CFAP44: variants seen among roughly 807,000 people sequenced by gnomAD.
CFAP44 encodes the protein cilia- and flagella-associated protein 44.
In CFAP44, 134 loss-of-function variants were observed where a neutral mutation model predicts 216.2. That is an observed-to-expected ratio of 0.62 (90% CI 0.54 to 0.72). The LOEUF (loss-of-function observed/expected upper bound fraction) is 0.72, where lower values mean the gene tolerates loss of function less well. Ranked by LOEUF, CFAP44 falls within the 30% of genes least tolerant of loss-of-function variation. The pLI, the probability that CFAP44 is intolerant of heterozygous loss-of-function variation, is 0.00. For missense variants in CFAP44, 2,035 were observed against 2,182.1 expected, an observed-to-expected ratio of 0.93 and a Z score of 1.34; for synonymous variants, 700 against 727.6, an observed-to-expected ratio of 0.96 and a Z score of 0.61.
chr3:113,419,887 G>A (rs1934761894), intron 5 of CFAP44, 130 bp downstream of exon 5: 1 of 847,554 alleles, frequency 1.2e-6, no homozygotes, highest in Admixed American at 3.0e-5. Context: ...AATAAAGACA[G>A]CTGTGCATCT....
Position 113,315,443 on chromosome 3 carries a change from T to C in CFAP44, c.4517-7175A>G, listed in dbSNP as rs191512490. Among the ~76,000 whole-genome samples the C allele has an allele frequency of 7.2e-5, 11 of 152,142 alleles. No homozygotes were observed. The East Asian group carries it at 1.4e-3, about 19-fold the overall frequency. On this transcript the variant is annotated intron_variant, in intron 28 of 34. Coordinates refer to ENST00000393845, the MANE Select transcript of CFAP44 (RefSeq NM_001164496.2). ...GTAAAATATTTGAAGCAAAAACTGA[T>C]AGAAATAAAAGAAGAAATGAAATAA...
intron 32 of CFAP44, among the ~76,000 whole-genome samples, chr3:113,302,772 C>CAAAAA (rs57355375): frequency 9.7e-4 from 43 of 44,336 alleles, no homozygotes; most frequent in Middle Eastern, 0.012. Context: ...GACTCCATCT[C>CAAAAA]AAAAAAAAAA....
intron 28 of CFAP44, among the ~76,000 whole-genome samples, chr3:113,312,791 T>C (rs1950052263): frequency 6.6e-6 from 1 of 152,162 alleles, no homozygotes; most frequent in Non-Finnish European, 1.5e-5. Context: ...CCTCATGCCT[T>C]GGCAGTTTCC....
At chr3:113,313,772 G>C (rs1270073012) in intron 28 of CFAP44, among the ~76,000 whole-genome samples, 12 of 152,176 alleles carry the variant, frequency 7.9e-5, no homozygotes, top group Non-Finnish European at 1.3e-4. Context: ...CCACCACCAT[G>C]TAAGAAGTGC....
chr3:113,304,965 T>A, intron 31 of CFAP44, 71 bp downstream of exon 31: 1 of 1,365,694 alleles, frequency 7.3e-7, no homozygotes, highest in Non-Finnish European at 1.0e-6. Context: ...GAACTATGAA[T>A]CTTTCTCTGA....
At chr3:113,411,073 A>T (rs577562481) in intron 6 of CFAP44, among the ~76,000 whole-genome samples, 2 of 152,046 alleles carry the variant, frequency 1.3e-5, no homozygotes, top group Non-Finnish European at 2.9e-5. Flanking sequence ...AGATTGCAAA[A>T]ATTTTCTCCC....
intron 13 of CFAP44, among the ~76,000 whole-genome samples, chr3:113,397,926 T>C (rs1576589124): frequency 6.6e-6 from 1 of 152,226 alleles, no homozygotes; most frequent in East Asian, 1.9e-4. Context: ...AAAGATATCA[T>C]AGTCTGCAGC....
intron 1 of CFAP44, among the ~76,000 whole-genome samples, chr3:113,438,056 C>T (rs541211404): frequency 3.1e-4 from 47 of 152,282 alleles, no homozygotes; most frequent in African/African-American, 1.1e-3. Flanking sequence ...AACTTAAAAA[C>T]GTACTGTTAA....
At chr3:113,310,727 C>T (rs563080557) in intron 28 of CFAP44, among the ~76,000 whole-genome samples, 16 of 152,228 alleles carry the variant, frequency 1.1e-4, no homozygotes, top group Admixed American at 3.3e-4. Context: ...AGGAATCCCT[C>T]GAATAGTTTA....
chr3:113,323,020 A>G (rs530801434), intron 28 of CFAP44, among the ~76,000 whole-genome samples: 20 of 152,222 alleles, frequency 1.3e-4, no homozygotes, highest in Non-Finnish European at 2.4e-4. Flanking sequence ...TAAAGCCATC[A>G]GATCTCATGA....
intron 28 of CFAP44, 58 bp downstream of exon 28, chr3:113,326,387 C>T: frequency 1.0e-5 from 14 of 1,397,082 alleles, no homozygotes; most frequent in South Asian, 1.7e-5. Context: ...CCTTAGTTAC[C>T]TCTCTATTTC....
chr3:113,349,591 T>A (rs1235652766), intron 22 of CFAP44, among the ~76,000 whole-genome samples: 2 of 152,210 alleles, frequency 1.3e-5, no homozygotes, highest in African/African-American at 2.4e-5. Context: ...AGCTGCTCCC[T>A]TGCCCATGTC....
At position 113,304,030 on chromosome 3, in the gene CFAP44, G is replaced by A. The variant is rs750254918; in HGVS notation, c.4963C>T (p.Arg1655Ter). The change falls in exon 32 of 35, where the codon CGA becomes TGA. Residue 1655 changes from arginine (R) to a stop codon, truncating the protein, a stop_gained. Coordinates refer to ENST00000393845, the MANE Select transcript of CFAP44 (RefSeq NM_001164496.2). LOFTEE classifies it high-confidence loss of function. ...SNHALRRLQE[R>*]IHELQEENSK... The stretch of plus-strand genomic sequence containing the variant: ...TTTTCCTCCTGGAGCTCATGGATTC[G>A]TTCTTGCAGCCGTCTCAAGGCATGG... The A allele has an allele frequency of 2.4e-5, 37 of 1,537,154 alleles. No homozygotes were observed. The highest frequency in any genetic ancestry group is 7.9e-5 in the Admixed American group (4 of 50,946).
At chr3:113,414,544 A>C (rs907058221) in intron 6 of CFAP44, among the ~76,000 whole-genome samples, 4 of 152,130 alleles carry the variant, frequency 2.6e-5, no homozygotes, top group Non-Finnish European at 5.9e-5. Flanking sequence ...ATCAATACCT[A>C]GTTTATTGAG....
At position 113,347,650 on chromosome 3, in the gene CFAP44, CT is replaced by C. The variant is rs1950399109; in HGVS notation, c.3066-2939del. The stretch of plus-strand genomic sequence containing the variant: ...GGAGACCAACTATCCTTTTAGGATC[CT>C]TCCTCAGACAAGCGGGCCTAACAAA... On this transcript the variant is annotated intron_variant, in intron 22 of 34. Coordinates refer to ENST00000393845, the MANE Select transcript of CFAP44 (RefSeq NM_001164496.2). 3.3e-5 allele frequency among the ~76,000 whole-genome samples: 5 copies of C among 152,280 alleles called. No individual in the cohort carries two copies. In the South Asian group the frequency reaches 1.0e-3, roughly 32 times the overall value.
At chr3:113,395,997 T>C in intron 14 of CFAP44, 137 bp from the exon 15 acceptor site, 1 of 614,376 alleles carries the variant, frequency 1.6e-6, no homozygotes. Context: ...AGGAGAATTC[T>C]TATTTCTAAA....
intron 24 of CFAP44, among the ~76,000 whole-genome samples, chr3:113,341,146 C>G (rs1559916635): frequency 6.6e-6 from 1 of 152,126 alleles, no homozygotes. Flanking sequence ...TTAATAGGCC[C>G]AGGATAGGGG....
At position 113,358,293 on chromosome 3, in the gene CFAP44, C is replaced by T. The variant is rs574808540; in HGVS notation, c.3065+452G>A. Among the ~76,000 whole-genome samples the T allele has an allele frequency of 1.5e-3, 230 of 151,892 alleles. 1 individual carries two copies. Among genetic ancestry groups the T allele is most frequent in the African/African-American group, 5.3e-3 (219 of 41,438 alleles). ...AAAATTTTCAAGATGTTAAGATTTA[C>T]GTATTTTATGTAAATTATATCTCAG... is the stretch of plus-strand genomic sequence containing the variant. On this transcript the variant is annotated intron_variant, in intron 22 of 34. Coordinates refer to ENST00000393845, the MANE Select transcript of CFAP44 (RefSeq NM_001164496.2).
chr3:113,287,766 C>CT lies in CFAP44; in HGVS notation c.*3790dup. The CT allele has an allele frequency of 6.6e-6, 1 of 152,300 alleles. No homozygotes were observed. Among genetic ancestry groups the CT allele is most frequent in the Admixed American group, 6.5e-5 (1 of 15,296 alleles). 9.4% of individuals were successfully genotyped at this position (152,300 alleles called of 1,614,324 possible). A position where few individuals can be genotyped will look rare whatever the true frequency, so the allele number is the denominator to read the frequency against. On this transcript the variant is annotated 3_prime_UTR_variant, in exon 35 of 35. Transcript: ENST00000393845. ...GTCATATTGAAGAAATAGAACTAAT[C>CT]TTTTTTATATAGGTGTGTGTTGAAG...
Sources: gnomAD v4.1 joint callset for allele counts (sites outside exome capture counted in the v4.1 genomes callset) on GRCh38, gnomAD v4.1.1 for gene constraint, MANE v1.5 for transcripts, NCBI Gene and HGNC (gene_info 2026-07-23, HGNC 2026-07-21) for gene names.